Variants in CTNNA3 observed in about 807,000 individuals in gnomAD.
The protein encoded by CTNNA3 is catenin alpha 3, also known as catenin alpha-3.
Under a neutral mutation model 95.7 loss-of-function variants are expected in CTNNA3, and 76 were observed. That is an observed-to-expected ratio of 0.79 (90% CI 0.66 to 0.96). The LOEUF (loss-of-function observed/expected upper bound fraction) is 0.96. CTNNA3 is among the 40% of genes least tolerant of loss of function. CTNNA3 has a pLI of 0.00. For missense variants in CTNNA3, 1,191 were observed against 1,089.8 expected (o/e 1.09, Z -1.31); for synonymous variants, 431 against 374.4 (o/e 1.15, Z -1.74).
chr10:66,028,445 A>G (rs7474581), intron 15 of CTNNA3, among the ~76,000 whole-genome samples: 118,837 of 151,978 alleles, frequency 0.78, 46,693 homozygotes, highest in South Asian at 0.9. Flanking sequence ...GTCCTTTGTA[A>G]GGACATAGAT....
At chr10:67,260,402 T>C (rs990485522) in intron 5 of CTNNA3, among the ~76,000 whole-genome samples, 2 of 152,208 alleles carry the variant, frequency 1.3e-5, no homozygotes, top group African/African-American at 4.8e-5. Flanking sequence ...ATGAAGAAAT[T>C]TGGCAACAAA....
Position 67,112,010 on chromosome 10 carries a change from C to T in CTNNA3, c.1047+68307G>A, listed in dbSNP as rs151155848. ...CAATCACTTCAGTAATTTTTAGCCTCCCAAAAAAAAGTGTCAGAAATGAGG... is the reference window on the plus strand; with the variant it reads ...CAATCACTTCAGTAATTTTTAGCCTTCCAAAAAAAAGTGTCAGAAATGAGG... On this transcript the variant is annotated intron_variant, in intron 7 of 17. Coordinates refer to ENST00000433211, the MANE Select transcript of CTNNA3 (RefSeq NM_013266.4). Among the ~76,000 whole-genome samples, 776 of 151,968 alleles carry T rather than the reference C, an allele frequency of 5.1e-3. 8 individuals are homozygous for T. The highest frequency in any genetic ancestry group is 0.016 in the African/African-American group (673 of 41,444).
At chr10:67,500,027 G>T (rs1047204996) in intron 5 of CTNNA3, among the ~76,000 whole-genome samples, 4 of 151,902 alleles carry the variant, frequency 2.6e-5, no homozygotes, top group Non-Finnish European at 5.9e-5. Flanking sequence ...TGACGTTAGG[G>T]TGTCAATTTT....
chr10:66,420,787 A>G (rs2093185323), intron 11 of CTNNA3, among the ~76,000 whole-genome samples: 1 of 151,150 alleles, frequency 6.6e-6, no homozygotes, highest in South Asian at 2.1e-4. Flanking sequence ...TGACACAGCA[A>G]GACTCTGTCT....
chr10:67,473,843 C>A (rs1847916414), intron 5 of CTNNA3, among the ~76,000 whole-genome samples: 1 of 152,136 alleles, frequency 6.6e-6, no homozygotes, highest in East Asian at 1.9e-4. Context: ...TGTGTATAGG[C>A]TATGTGAAAT....
chr10:67,181,856 C>T (rs1862565171), intron 6 of CTNNA3, among the ~76,000 whole-genome samples: 1 of 151,884 alleles, frequency 6.6e-6, no homozygotes, highest in Admixed American at 6.6e-5. Flanking sequence ...AAAAACAGCA[C>T]TGTGTAATGT....
intron 3 of CTNNA3, among the ~76,000 whole-genome samples, chr10:67,581,241 C>G (rs1040179047): frequency 1.3e-5 from 2 of 152,068 alleles, no homozygotes; most frequent in Non-Finnish European, 2.9e-5. Flanking sequence ...CCATCAACAC[C>G]TAGTTTATTG....
intron 9 of CTNNA3, among the ~76,000 whole-genome samples, chr10:66,688,361 C>T (rs1357052682): frequency 6.6e-6 from 1 of 152,118 alleles, no homozygotes; most frequent in African/African-American, 2.4e-5. Context: ...TCACACCAGC[C>T]TTCTTGCAGA....
intron 9 of CTNNA3, among the ~76,000 whole-genome samples, chr10:66,646,750 C>T (rs1403729424): frequency 6.6e-6 from 1 of 152,112 alleles, no homozygotes; most frequent in African/African-American, 2.4e-5. Flanking sequence ...GCATCCTTGG[C>T]AAGTCTTGTT....
At chr10:66,998,263 T>C (rs1213882709) in intron 7 of CTNNA3, among the ~76,000 whole-genome samples, 1 of 152,160 alleles carries the variant, frequency 6.6e-6, no homozygotes, top group Non-Finnish European at 1.5e-5. Context: ...AAGTGCCTCC[T>C]TACTCTATGT....
intron 7 of CTNNA3, among the ~76,000 whole-genome samples, chr10:66,807,357 A>G (rs576933765): frequency 6.6e-6 from 1 of 152,200 alleles, no homozygotes; most frequent in East Asian, 1.9e-4. Flanking sequence ...CATTTTCTAC[A>G]TAAGTGACGT....
At chr10:67,284,984 G>A (rs569770131) in intron 5 of CTNNA3, among the ~76,000 whole-genome samples, 237 of 152,172 alleles carry the variant, frequency 1.6e-3, no homozygotes, top group Non-Finnish European at 2.5e-3. Flanking sequence ...GTTTAAAAGC[G>A]TTTTTGCTCC....
At chr10:66,350,321 C>A (rs1404730300) in intron 12 of CTNNA3, among the ~76,000 whole-genome samples, 1 of 152,096 alleles carries the variant, frequency 6.6e-6, no homozygotes, top group East Asian at 1.9e-4. Context: ...TTTTTGCTGT[C>A]ACTGCCTAGG....
chr10:66,070,766 T>A (rs1271547348), intron 14 of CTNNA3, among the ~76,000 whole-genome samples: 1 of 152,116 alleles, frequency 6.6e-6, no homozygotes, highest in Non-Finnish European at 1.5e-5. Context: ...GCTATCCACC[T>A]GCCATGCAGG....
intron 15 of CTNNA3, among the ~76,000 whole-genome samples, chr10:66,059,193 A>G (rs1296626238): frequency 2.6e-5 from 4 of 152,118 alleles, no homozygotes; most frequent in African/African-American, 9.7e-5. Flanking sequence ...CATTTTGGTA[A>G]GGAAAATTGG....
At chr10:67,386,674 A>G (rs750358386) in intron 5 of CTNNA3, among the ~76,000 whole-genome samples, 2 of 152,178 alleles carry the variant, frequency 1.3e-5, no homozygotes, top group Non-Finnish European at 2.9e-5. Flanking sequence ...TTTAATCCCA[A>G]TGGCCTTTGT....
At chr10:66,164,416 C>G (rs1226727022) in intron 13 of CTNNA3, among the ~76,000 whole-genome samples, 1 of 151,996 alleles carries the variant, frequency 6.6e-6, no homozygotes, top group African/African-American at 2.4e-5. Context: ...TCATAGATTG[C>G]CAAAGTGTCC....
At chr10:67,740,382 T>A (rs1259683524) in intron 1 of CTNNA3, among the ~76,000 whole-genome samples, 1 of 151,216 alleles carries the variant, frequency 6.6e-6, no homozygotes. Flanking sequence ...ACCCACAAAA[T>A]GGGAGAAAAT....
At chr10:66,204,734 T>C (rs1201006867) in intron 13 of CTNNA3, among the ~76,000 whole-genome samples, 1 of 152,162 alleles carries the variant, frequency 6.6e-6, no homozygotes, top group East Asian at 1.9e-4. Flanking sequence ...ATTTATCAGT[T>C]TAAATGTCTG....
Sources: allele counts gnomAD v4.1 joint callset (sites outside exome capture counted in the v4.1 genomes callset), GRCh38; gene constraint gnomAD v4.1.1; transcripts MANE v1.5; gene names NCBI Gene and HGNC (gene_info 2026-07-23, HGNC 2026-07-21).